Variants in TMEM200A observed in about 807,000 individuals in gnomAD.
The protein encoded by TMEM200A is transmembrane protein 200A.
A neutral mutation model predicts 24.3 loss-of-function variants in TMEM200A; 12 were observed. That is an observed-to-expected ratio of 0.49 (90% CI 0.32 to 0.80). The LOEUF (loss-of-function observed/expected upper bound fraction) is 0.80, where lower values mean the gene tolerates loss of function less well. TMEM200A is among the 30% of genes least tolerant of loss of function. The pLI is 0.04. For missense variants in TMEM200A, 545 were observed against 614.4 expected (o/e 0.89, Z 1.19); for synonymous variants, 224 against 224.4 (o/e 1.00, Z 0.02).
intron 2 of TMEM200A, among the ~76,000 whole-genome samples, chr6:130,397,965 T>C (rs1254443762): frequency 6.6e-6 from 1 of 151,612 alleles, no homozygotes; most frequent in Non-Finnish European, 1.5e-5. Context: ...TAAACGTTTC[T>C]TTTTTCTCTC....
At chr6:130,395,139 T>C (rs1044340116) in intron 2 of TMEM200A, among the ~76,000 whole-genome samples, 3 of 152,232 alleles carry the variant, frequency 2.0e-5, no homozygotes, top group Admixed American at 2.0e-4. Flanking sequence ...CCTTCCTGCA[T>C]ATAGGATGGG....
intron 1 of TMEM200A, among the ~76,000 whole-genome samples, chr6:130,368,174 G>A (rs1778228887): frequency 6.6e-6 from 1 of 152,218 alleles, no homozygotes; most frequent in Non-Finnish European, 1.5e-5. Flanking sequence ...ATTTGGACTT[G>A]TGTAGCTTCA....
intron 2 of TMEM200A, among the ~76,000 whole-genome samples, chr6:130,393,016 C>A (rs1287652459): frequency 6.6e-6 from 1 of 152,212 alleles, no homozygotes. Context: ...AAGATTGAAT[C>A]AGACAGTATA....
intron 2 of TMEM200A, among the ~76,000 whole-genome samples, chr6:130,398,215 A>G (rs572540661): frequency 6.6e-6 from 1 of 152,244 alleles, no homozygotes; most frequent in South Asian, 2.1e-4. Context: ...AGAAGTAGGA[A>G]CATGTGGTTG....
At chr6:130,419,569 C>T (rs1321126421) in intron 2 of TMEM200A, among the ~76,000 whole-genome samples, 2 of 152,128 alleles carry the variant, frequency 1.3e-5, no homozygotes, top group Admixed American at 1.3e-4. Flanking sequence ...TCTGTGCAGC[C>T]TCTCCAGCAT....
At chr6:130,369,923 C>T (rs1426865067) in intron 1 of TMEM200A, among the ~76,000 whole-genome samples, 1 of 152,150 alleles carries the variant, frequency 6.6e-6, no homozygotes, top group Non-Finnish European at 1.5e-5. Flanking sequence ...TTCACCACCC[C>T]ACTTTGTGTT....
intron 2 of TMEM200A, among the ~76,000 whole-genome samples, chr6:130,416,882 A>G (rs1779469308): frequency 1.3e-5 from 2 of 151,998 alleles, no homozygotes; most frequent in South Asian, 4.2e-4. Context: ...CCCAAGCCAC[A>G]TTGTTTTTCA....
chr6:130,422,073 A>G (rs1307800302), intron 2 of TMEM200A, among the ~76,000 whole-genome samples: 2 of 152,198 alleles, frequency 1.3e-5, no homozygotes, highest in Non-Finnish European at 2.9e-5. Flanking sequence ...ATAAATACAC[A>G]GAAGAGAGAT....
intron 1 of TMEM200A, among the ~76,000 whole-genome samples, chr6:130,367,846 A>G (rs12528426): frequency 0.058 from 8,868 of 152,274 alleles, 554 homozygotes; most frequent in East Asian, 0.28. Context: ...AAGTCCTACT[A>G]GATAGCTCAT....
intron 2 of TMEM200A, among the ~76,000 whole-genome samples, chr6:130,409,233 G>A (rs1157966731): frequency 6.6e-6 from 1 of 152,092 alleles, no homozygotes; most frequent in South Asian, 2.1e-4. Context: ...CTTGACATCT[G>A]CTTCCCATTG....
intron 1 of TMEM200A, among the ~76,000 whole-genome samples, chr6:130,369,177 G>T (rs1039356238): frequency 1.3e-5 from 2 of 152,162 alleles, no homozygotes; most frequent in Admixed American, 1.3e-4. Context: ...AAAAATACCA[G>T]CTTTCACTTA....
chr6:130,416,337 C>CTGTG (rs776308849), intron 2 of TMEM200A, among the ~76,000 whole-genome samples: 3 of 149,044 alleles, frequency 2.0e-5, no homozygotes, highest in East Asian at 1.9e-4. Context: ...GTCTCTCTCT[C>CTGTG]TGTGTGTGTG....
In TMEM200A at chr6:130,428,541, T is replaced by A. The variant is rs372570447; in HGVS notation, c.-16-11866T>A. ...AGCAACTCTGAACCAATTAATTTTGTCTCCTGGAATTCTAGGTGAAAACTC... is the reference window on the plus strand; with the variant it reads ...AGCAACTCTGAACCAATTAATTTTGACTCCTGGAATTCTAGGTGAAAACTC... On this transcript the variant is annotated intron_variant, in intron 2 of 2. Transcript: ENST00000296978. Among the ~76,000 whole-genome samples the A allele has an allele frequency of 1.1e-4, 16 of 152,276 alleles. 2 individuals are homozygous for A. The highest frequency in any genetic ancestry group is 1.2e-4 in the African/African-American group (5 of 41,544).
chr6:130,385,902 G>A (rs1219457988), intron 2 of TMEM200A, among the ~76,000 whole-genome samples: 3 of 152,098 alleles, frequency 2.0e-5, no homozygotes, highest in Admixed American at 6.5e-5. Flanking sequence ...TTGAGAAAAC[G>A]ATCCTTAAGT....
At chr6:130,374,154 G>T (rs991636350) in intron 1 of TMEM200A, among the ~76,000 whole-genome samples, 5 of 152,138 alleles carry the variant, frequency 3.3e-5, no homozygotes, top group African/African-American at 4.8e-5. Flanking sequence ...GGAACAGCCC[G>T]TGAGAGAAGT....
chr6:130,378,383 C>CA (rs1281404987), intron 1 of TMEM200A, among the ~76,000 whole-genome samples: 3 of 150,124 alleles, frequency 2.0e-5, no homozygotes, highest in African/African-American at 7.4e-5. Flanking sequence ...GGCCTGAACT[C>CA]AAATTCAATG....
At chr6:130,365,534 G>A (rs947405678), upstream of TMEM200A, 6 of 985,222 alleles carry the variant, frequency 6.1e-6, no homozygotes, top group Admixed American at 1.2e-4. Context: ...TGGAGCCAGG[G>A]TCCTGCGGTG....
chr6:130,422,770 A>T (rs1034123061), intron 2 of TMEM200A, among the ~76,000 whole-genome samples: 1 of 152,222 alleles, frequency 6.6e-6, no homozygotes, highest in African/African-American at 2.4e-5. Flanking sequence ...TGCAAGTTGC[A>T]TATGGCCAAA....
In TMEM200A at chr6:130,440,910, T is replaced by G. The variant is rs1562576134; in HGVS notation, c.488T>G (p.Ile163Ser). The G allele has an allele frequency of 1.9e-6, 3 of 1,614,054 alleles. No individual in the cohort carries two copies. ...ACCAAAATCATACACATGAGGGATA[T>G]CTATTCCACAGTCATTGACATTCAC... ...KETKIIHMRD[I>S]YSTVIDIHTL... The change falls in exon 3 of 3, where the codon ATC (isoleucine) becomes AGC (serine). Residue 163 changes from isoleucine (I) to serine (S), a missense_variant. Coordinates refer to ENST00000296978, the MANE Select transcript of TMEM200A (RefSeq NM_001258277.2).
Sources: gnomAD v4.1 joint callset for allele counts (sites outside exome capture counted in the v4.1 genomes callset) on GRCh38, gnomAD v4.1.1 for gene constraint, MANE v1.5 for transcripts, NCBI Gene and HGNC (gene_info 2026-07-23, HGNC 2026-07-21) for gene names.